Variants in TIAM1 observed in about 807,000 individuals in gnomAD.
TIAM1 encodes the protein TIAM Rac1 associated GEF 1.
In TIAM1, 65 loss-of-function variants were observed where a neutral mutation model predicts 163.5. That is an observed-to-expected ratio of 0.40 (90% confidence interval 0.33 to 0.49). The LOEUF is 0.49. Among genes scored for constraint, TIAM1 ranks in the 20% least tolerant of loss-of-function variants. The pLI is 0.77. For synonymous variants in TIAM1, 833 were observed against 810.1 expected (o/e 1.03, Z -0.48); for missense variants, 1,789 against 2,044.7 (o/e 0.87, Z 2.41).
intron 1 of TIAM1, among the ~76,000 whole-genome samples, chr21:31,496,213 A>G (rs2046635206): frequency 6.6e-6 from 1 of 151,650 alleles, no homozygotes; most frequent in Admixed American, 6.6e-5. Flanking sequence ...ATACTGGCCA[A>G]GCACGGTGGC....
At chr21:31,277,694 C>T (rs192583639) in intron 2 of TIAM1, among the ~76,000 whole-genome samples, 2 of 152,278 alleles carry the variant, frequency 1.3e-5, no homozygotes, top group Admixed American at 1.3e-4. Context: ...CAGCAACCCT[C>T]GGGGCTGCTC....
At chr21:31,343,422 C>T (rs1303526671) in intron 1 of TIAM1, among the ~76,000 whole-genome samples, 1 of 152,178 alleles carries the variant, frequency 6.6e-6, no homozygotes, top group Non-Finnish European at 1.5e-5. Context: ...ACCCAAACTT[C>T]CTCTCACAAA....
chr21:31,469,504 G>A (rs1374887440), intron 1 of TIAM1, among the ~76,000 whole-genome samples: 1 of 152,080 alleles, frequency 6.6e-6, no homozygotes, highest in Non-Finnish European at 1.5e-5. Context: ...ACTGACAACA[G>A]TAGAAGAAGA....
At chr21:31,193,493 C>T (rs1454459325) in intron 13 of TIAM1, among the ~76,000 whole-genome samples, 4 of 152,206 alleles carry the variant, frequency 2.6e-5, no homozygotes, top group African/African-American at 9.6e-5. Flanking sequence ...CAACTTGGTG[C>T]TGCAGGAGTT....
At chr21:31,380,088 C>A (rs2076752297) in intron 2 of TIAM1, among the ~76,000 whole-genome samples, 1 of 152,058 alleles carries the variant, frequency 6.6e-6, no homozygotes, top group African/African-American at 2.4e-5. Flanking sequence ...CATGGTGAAA[C>A]CCTGTCTCTA....
chr21:31,295,432 T>C (rs1002096467), intron 2 of TIAM1, among the ~76,000 whole-genome samples: 3 of 131,752 alleles, frequency 2.3e-5, no homozygotes, highest in East Asian at 5.1e-4. Flanking sequence ...ATCACGCCAC[T>C]GCATTCCAGC....
chr21:31,497,863 G>A (rs2046717522), intron 1 of TIAM1, among the ~76,000 whole-genome samples: 1 of 152,146 alleles, frequency 6.6e-6, no homozygotes, highest in Non-Finnish European at 1.5e-5. Flanking sequence ...AGTAAAGCTG[G>A]GGGCTTGGAA....
intron 2 of TIAM1, among the ~76,000 whole-genome samples, chr21:31,358,353 T>C (rs1432121211): frequency 1.3e-5 from 2 of 152,160 alleles, no homozygotes; most frequent in Non-Finnish European, 2.9e-5. Context: ...TCTTGCCTGT[T>C]TCTGGAGAAA....
At chr21:31,357,208 A>G (rs1404386589) in intron 2 of TIAM1, among the ~76,000 whole-genome samples, 1 of 152,116 alleles carries the variant, frequency 6.6e-6, no homozygotes, top group South Asian at 2.1e-4. Context: ...CCTGACCCCT[A>G]ATGTCAAGTG....
intron 2 of TIAM1, among the ~76,000 whole-genome samples, chr21:31,414,840 G>A (rs977099701): frequency 6.6e-6 from 1 of 152,202 alleles, no homozygotes; most frequent in Non-Finnish European, 1.5e-5. Flanking sequence ...TCAACCAAAC[G>A]AAGAGAGTCC....
At chr21:31,398,364 C>G (rs531236050) in intron 2 of TIAM1, among the ~76,000 whole-genome samples, 2 of 152,234 alleles carry the variant, frequency 1.3e-5, no homozygotes, top group East Asian at 1.9e-4. Context: ...GAGACCTGGT[C>G]AGTTTTCCCA....
chr21:31,231,568 A>T (rs763126950), intron 6 of TIAM1, among the ~76,000 whole-genome samples: 12 of 152,222 alleles, frequency 7.9e-5, no homozygotes, highest in Non-Finnish European at 1.3e-4. Flanking sequence ...GAAGCTGACC[A>T]AAGTTAAACA....
chr21:31,298,187 C>T (rs576876436), intron 2 of TIAM1, among the ~76,000 whole-genome samples: 10 of 152,214 alleles, frequency 6.6e-5, no homozygotes, highest in African/African-American at 1.7e-4. Flanking sequence ...CACTTCACTC[C>T]GCCACCCTGC....
chr21:31,245,083 A>G (rs565846573), intron 6 of TIAM1, among the ~76,000 whole-genome samples: 1 of 152,312 alleles, frequency 6.6e-6, no homozygotes, highest in African/African-American at 2.4e-5. Flanking sequence ...TATGATTAAT[A>G]TGAGAAAGGA....
At chr21:31,155,543 C>G (rs202196601) in intron 16 of TIAM1, among the ~76,000 whole-genome samples, 1 of 151,816 alleles carries the variant, frequency 6.6e-6, no homozygotes, top group Admixed American at 6.6e-5. Context: ...CTCGCTCTGT[C>G]ACCCAGGCTG....
At chr21:31,462,617 G>A (rs914998703) in intron 2 of TIAM1, among the ~76,000 whole-genome samples, 4 of 152,100 alleles carry the variant, frequency 2.6e-5, no homozygotes, top group South Asian at 2.1e-4. Context: ...CTCAAGACAC[G>A]AGGGCCTCTC....
At chr21:31,384,395 T>A (rs1332404673) in intron 2 of TIAM1, among the ~76,000 whole-genome samples, 1 of 106,940 alleles carries the variant, frequency 9.4e-6, no homozygotes, top group Non-Finnish European at 1.8e-5. Flanking sequence ...CAAGACCCCA[T>A]CTCTACAAAA....
At chr21:31,472,715 T>C (rs1361999998) in intron 1 of TIAM1, among the ~76,000 whole-genome samples, 1 of 152,196 alleles carries the variant, frequency 6.6e-6, no homozygotes, top group Non-Finnish European at 1.5e-5. Flanking sequence ...ATGGGTTCTG[T>C]AATTTAATGT....
At chr21:31,348,864 A>G (rs927346980), upstream of TIAM1, among the ~76,000 whole-genome samples, 1 of 152,250 alleles carries the variant, frequency 6.6e-6, no homozygotes, top group Non-Finnish European at 1.5e-5. Context: ...ACTTCAAAGT[A>G]AACCTTATGC....
Sources: allele counts gnomAD v4.1 joint callset (sites outside exome capture counted in the v4.1 genomes callset), GRCh38; gene constraint gnomAD v4.1.1; transcripts MANE v1.5; gene names NCBI Gene and HGNC (gene_info 2026-07-23, HGNC 2026-07-21).